The following AHI1 variants were observed in gnomAD, a reference collection of about 807,000 sequenced individuals.
AHI1 encodes Abelson helper integration site 1, also known as jouberin.
AHI1 carries 123 observed loss-of-function variants against 149.3 expected under a neutral mutation model. The observed-to-expected ratio is 0.82, with a 90% CI of 0.71 to 0.96. The LOEUF (loss-of-function observed/expected upper bound fraction) is 0.96. AHI1 is among the 40% of genes least tolerant of loss of function. The pLI is 0.00. For synonymous variants in AHI1, 475 were observed against 459.8 expected, an observed-to-expected ratio of 1.03 and a Z score of -0.42; for missense variants, 1,439 against 1,422.7, an observed-to-expected ratio of 1.01 and a Z score of -0.18.
At chr6:135,424,361 C>T (rs58004053) in intron 20 of AHI1, among the ~76,000 whole-genome samples, 3,635 of 152,020 alleles carry the variant, frequency 0.024, 163 homozygotes, top group African/African-American at 0.082. Context: ...ATTATTAAAT[C>T]TAGAACAATA....
At chr6:135,457,057 G>A (rs953255263) in intron 9 of AHI1, among the ~76,000 whole-genome samples, 66 of 151,912 alleles carry the variant, frequency 4.3e-4, no homozygotes, top group African/African-American at 1.4e-3. Context: ...CTTTGGGAGG[G>A]TGAGGCAGGT....
At chr6:135,394,962 T>G (rs1779021018) in intron 22 of AHI1, 66 bp from the exon 23 acceptor site, 2 of 1,506,652 alleles carry the variant, frequency 1.3e-6, no homozygotes, top group African/African-American at 2.8e-5. Flanking sequence ...AAAAACTGGA[T>G]GAGAAATATT....
At chr6:135,414,189 C>G (rs1782013192) in intron 20 of AHI1, among the ~76,000 whole-genome samples, 2 of 152,120 alleles carry the variant, frequency 1.3e-5, no homozygotes, top group South Asian at 2.1e-4. Flanking sequence ...AAAGGCCATT[C>G]AGTGGAGAAA....
At chr6:135,488,583 G>A (rs976724334) in intron 5 of AHI1, among the ~76,000 whole-genome samples, 7 of 152,098 alleles carry the variant, frequency 4.6e-5, no homozygotes, top group Admixed American at 4.6e-4. Flanking sequence ...TGCAAAAAAA[G>A]AATCCCAATA....
At chr6:135,461,865 A>C (rs908358454) in intron 8 of AHI1, among the ~76,000 whole-genome samples, 1 of 152,070 alleles carries the variant, frequency 6.6e-6, no homozygotes, top group African/African-American at 2.4e-5. Context: ...TATTCATATT[A>C]AAGTATAAAA....
intron 5 of AHI1, among the ~76,000 whole-genome samples, chr6:135,488,158 G>T (rs1176576903): frequency 1.3e-5 from 2 of 152,068 alleles, no homozygotes; most frequent in East Asian, 1.9e-4. Flanking sequence ...GAATTTTCTA[G>T]ATATAGTTCT....
chr6:135,445,738 A>T (rs933309980), intron 13 of AHI1, among the ~76,000 whole-genome samples: 67 of 152,170 alleles, frequency 4.4e-4, no homozygotes, highest in African/African-American at 1.6e-3. Flanking sequence ...ATGCCCACCT[A>T]ATTAAAAAAA....
At chr6:135,390,894 T>C (rs532885176) in intron 23 of AHI1, among the ~76,000 whole-genome samples, 14 of 152,374 alleles carry the variant, frequency 9.2e-5, no homozygotes, top group African/African-American at 2.6e-4. Flanking sequence ...TTTTCTTCAT[T>C]ACACTAGAAA....
chr6:135,356,701 T>A (rs1793022283), intron 24 of AHI1, among the ~76,000 whole-genome samples: 1 of 152,356 alleles, frequency 6.6e-6, no homozygotes, highest in East Asian at 1.9e-4. Context: ...ATTTATATCA[T>A]GTTATGGCTA....
intron 22 of AHI1, among the ~76,000 whole-genome samples, chr6:135,395,602 A>T (rs1027143985): frequency 6.6e-6 from 1 of 151,954 alleles, no homozygotes; most frequent in Non-Finnish European, 1.5e-5. Context: ...AGTTCACTGA[A>T]AAAGCTTGAA....
chr6:135,431,218 G>C lies in AHI1; in HGVS notation c.2363C>G (p.Thr788Ser). 6.3e-7 allele frequency: 1 copy of C among 1,585,740 alleles called. No individual in the cohort carries two copies. Among genetic ancestry groups the C allele is most frequent in the South Asian group, 1.1e-5 (1 of 88,246 alleles). The change falls in exon 17 of 29, where the codon ACT becomes AGT. Residue 788 changes from threonine (T) to serine (S), a missense_variant. Physicochemically the swap from Thr to Ser is moderately conservative, Grantham distance 58. Transcript: ENST00000265602. ...AATATGATTTTATACCTTATTTATA[G>C]TCCAGTGGTGCACTGAATGTTCCAA... ...NDLEHSVHHW[T>S]INKEIKETEF... is the part of the protein sequence containing the mutation.
chr6:135,336,247 C>T (rs1318297411), intron 24 of AHI1, among the ~76,000 whole-genome samples: 1 of 151,800 alleles, frequency 6.6e-6, no homozygotes, highest in Non-Finnish European at 1.5e-5. Context: ...ATTCCTATTG[C>T]CTTCTTACAT....
chr6:135,328,363 G>C (rs1000606339), intron 24 of AHI1, among the ~76,000 whole-genome samples: 2 of 152,112 alleles, frequency 1.3e-5, no homozygotes, highest in African/African-American at 2.4e-5. Flanking sequence ...GTGCTTACTT[G>C]TGTCTGTGTG....
intron 27 of AHI1, among the ~76,000 whole-genome samples, chr6:135,298,509 CTCATTTAGGTAAA>C (rs1740020217): frequency 6.6e-6 from 1 of 152,104 alleles, no homozygotes; most frequent in Non-Finnish European, 1.5e-5. Context: ...GTACAAGAAA[CTCATTTAGGTAAA>C]TCAAAGAAAT....
intron 5 of AHI1, among the ~76,000 whole-genome samples, chr6:135,477,292 G>A (rs745665516): frequency 5.3e-5 from 8 of 152,044 alleles, no homozygotes; most frequent in Admixed American, 1.3e-4. Context: ...CACTCGCCTC[G>A]GCCTCCCAAA....
At chr6:135,481,663 C>T (rs1793664917) in intron 5 of AHI1, among the ~76,000 whole-genome samples, 1 of 147,806 alleles carries the variant, frequency 6.8e-6, no homozygotes, top group Non-Finnish European at 1.5e-5. Context: ...TTGTTGTGCT[C>T]TTCTTTTTTG....
chr6:135,378,871 GT>G (rs1776307658), intron 23 of AHI1, among the ~76,000 whole-genome samples: 1 of 151,400 alleles, frequency 6.6e-6, no homozygotes, highest in South Asian at 2.1e-4. Flanking sequence ...TTTCCTTACT[GT>G]CTTTCTGGGT....
intron 14 of AHI1, among the ~76,000 whole-genome samples, chr6:135,440,888 T>C (rs993973146): frequency 2.0e-5 from 3 of 152,074 alleles, no homozygotes; most frequent in Non-Finnish European, 2.9e-5. Flanking sequence ...CCACACTGCA[T>C]TATTAAAACA....
chr6:135,389,114 T>C (rs1356832192), intron 23 of AHI1, among the ~76,000 whole-genome samples: 1 of 151,388 alleles, frequency 6.6e-6, no homozygotes. Flanking sequence ...ATCGAGACCA[T>C]CCTGGCTAAC....
Sources: allele counts gnomAD v4.1 joint callset (sites outside exome capture counted in the v4.1 genomes callset), GRCh38; gene constraint gnomAD v4.1.1; transcripts MANE v1.5; gene names NCBI Gene and HGNC (gene_info 2026-07-23, HGNC 2026-07-21).